Variants in ADCY8 observed in about 807,000 individuals in gnomAD.
The protein encoded by ADCY8 is adenylate cyclase 8.
ADCY8 carries 51 observed loss-of-function variants against 119.7 expected under a neutral mutation model. The observed-to-expected ratio is 0.43, with a 90% CI of 0.34 to 0.54. ADCY8 has a LOEUF of 0.54. ADCY8 is among the 20% of genes least tolerant of loss of function. The probability of loss-of-function intolerance (pLI) is 0.03; values close to 1 mark genes in which losing one functional copy is unlikely to be tolerated. For synonymous variants in ADCY8, 665 were observed against 651.0 expected (o/e 1.02, Z -0.33); for missense variants, 1,383 against 1,598.8 (o/e 0.87, Z 2.30).
At position 130,866,815 on chromosome 8, in the gene ADCY8, A is replaced by C. The variant is rs1818140478; in HGVS notation, c.2210+1031T>G. 2.0e-5 allele frequency among the ~76,000 whole-genome samples: 3 copies of C among 152,126 alleles called. No homozygotes were observed. The South Asian group carries it at 6.2e-4, about 32-fold the overall frequency. ...CGAATGGGAATTGGAATGCTGCCTC[A>C]CTCATCAGTTATTTTTGAGGCTTTT... On this transcript the variant is annotated intron_variant, in intron 9 of 17. Coordinates refer to ENST00000286355, the MANE Select transcript of ADCY8 (RefSeq NM_001115.3).
Position 130,886,261 on chromosome 8 carries a change from A to G in ADCY8, c.1912-1500T>C, listed in dbSNP as rs1270560802. Among the ~76,000 whole-genome samples the G allele has an allele frequency of 2.6e-5, 4 of 152,280 alleles. No individual in the cohort carries two copies. The East Asian group carries it at 7.7e-4, about 29-fold the overall frequency. ...GCTGCCTGTGCCAACATGAGAAAGC[A>G]AAGTACATGCTCTTAGGGCACTGAA... is the stretch of plus-strand genomic sequence containing the variant. On this transcript the variant is annotated intron_variant, in intron 7 of 17. Coordinates refer to ENST00000286355, the MANE Select transcript of ADCY8 (RefSeq NM_001115.3).
chr8:130,996,543 T>C (rs974517810), intron 1 of ADCY8, among the ~76,000 whole-genome samples: 2 of 152,026 alleles, frequency 1.3e-5, no homozygotes, highest in Non-Finnish European at 1.5e-5. Context: ...ATAAAAATTG[T>C]AAAAAGTTTG....
chr8:130,871,449 T>C (rs1205757727), intron 8 of ADCY8, among the ~76,000 whole-genome samples: 2 of 152,174 alleles, frequency 1.3e-5, no homozygotes, highest in African/African-American at 2.4e-5. Flanking sequence ...AGAAAATGGA[T>C]ACAATAATAG....
chr8:130,908,361 TAAAGAATGG>T (rs1304292563), intron 6 of ADCY8, among the ~76,000 whole-genome samples: 1 of 152,172 alleles, frequency 6.6e-6, no homozygotes, highest in Non-Finnish European at 1.5e-5. Context: ...GGGAAAATCC[TAAAGAATGG>T]AAAGATTTAA....
At chr8:130,868,319 G>A (rs1818201572) in intron 8 of ADCY8, among the ~76,000 whole-genome samples, 1 of 152,022 alleles carries the variant, frequency 6.6e-6, no homozygotes, top group South Asian at 2.1e-4. Flanking sequence ...GTTAAGTTTG[G>A]GAACACAGGG....
At chr8:130,830,358 T>C (rs1816794535) in intron 12 of ADCY8, among the ~76,000 whole-genome samples, 1 of 152,118 alleles carries the variant, frequency 6.6e-6, no homozygotes, top group African/African-American at 2.4e-5. Flanking sequence ...ATTTTCATAA[T>C]AATATTAGGG....
intron 5 of ADCY8, among the ~76,000 whole-genome samples, chr8:130,916,127 A>G (rs1380622043): frequency 6.6e-6 from 1 of 152,192 alleles, no homozygotes; most frequent in East Asian, 1.9e-4. Context: ...ACAGTTATTG[A>G]TGGACTAGTT....
chr8:130,798,909 C>T (rs1402662053), intron 15 of ADCY8, among the ~76,000 whole-genome samples: 3 of 151,958 alleles, frequency 2.0e-5, no homozygotes, highest in East Asian at 1.9e-4. Flanking sequence ...CATGCACACA[C>T]CACACACATA....
rs552632206 is a variant in ADCY8 at position 130,786,716 on chromosome 8, C to A, written c.3061-1241G>T. ...GGAGGTCAGATGTTAAAAATAAATACACAGAACATGCCCTAGTTCAATTTT... is the reference window on the plus strand; with the variant it reads ...GGAGGTCAGATGTTAAAAATAAATAAACAGAACATGCCCTAGTTCAATTTT... On this transcript the variant is annotated intron_variant, in intron 15 of 17. Transcript: ENST00000286355. Among the ~76,000 whole-genome samples the A allele has an allele frequency of 3.9e-5, 6 of 152,236 alleles. No individual in the cohort carries two copies. The East Asian group carries it at 1.2e-3, about 29-fold the overall frequency.
At chr8:130,945,008 A>C (rs1176847245) in intron 3 of ADCY8, among the ~76,000 whole-genome samples, 1 of 152,200 alleles carries the variant, frequency 6.6e-6, no homozygotes, top group Non-Finnish European at 1.5e-5. Flanking sequence ...CCAGTAGAGA[A>C]AAGTCTCAGC....
intron 1 of ADCY8, among the ~76,000 whole-genome samples, chr8:130,997,002 T>G (rs1822798914): frequency 6.6e-6 from 1 of 152,176 alleles, no homozygotes. Flanking sequence ...CATTGTAGCT[T>G]TATTCATGAA....
intron 12 of ADCY8, among the ~76,000 whole-genome samples, chr8:130,828,780 C>T (rs185913347): frequency 5.6e-4 from 86 of 152,282 alleles, no homozygotes; most frequent in Middle Eastern, 3.4e-3. Context: ...TTTTAAGGCA[C>T]CTATTCTGCC....
intron 2 of ADCY8, among the ~76,000 whole-genome samples, chr8:130,975,339 C>T (rs1360620561): frequency 6.6e-6 from 1 of 152,200 alleles, no homozygotes; most frequent in Non-Finnish European, 1.5e-5. Context: ...CTATTCAATT[C>T]AATTCCCTTC....
intron 2 of ADCY8, among the ~76,000 whole-genome samples, chr8:130,957,481 T>C (rs1048907602): frequency 2.6e-5 from 4 of 152,144 alleles, no homozygotes; most frequent in Non-Finnish European, 4.4e-5. Flanking sequence ...GACGATGTGA[T>C]AGAAAAGAAA....
chr8:131,013,525 C>A (rs1382732682), intron 1 of ADCY8, among the ~76,000 whole-genome samples: 1 of 144,794 alleles, frequency 6.9e-6, no homozygotes, highest in Non-Finnish European at 1.6e-5. Context: ...AAGACCCCCT[C>A]CCCCAGTGAT....
At chr8:130,789,934 G>A (rs377034522) in intron 15 of ADCY8, among the ~76,000 whole-genome samples, 1 of 152,318 alleles carries the variant, frequency 6.6e-6, no homozygotes, top group East Asian at 1.9e-4. Context: ...TCTAGTGCAT[G>A]CGTGAGTCAG....
At chr8:130,853,092 G>T (rs1005051779) in intron 9 of ADCY8, among the ~76,000 whole-genome samples, 2 of 152,160 alleles carry the variant, frequency 1.3e-5, no homozygotes, top group Non-Finnish European at 2.9e-5. Context: ...AGAAACTATC[G>T]GGGGTGCTCA....
chr8:130,951,427 T>G (rs1234978636), intron 3 of ADCY8, among the ~76,000 whole-genome samples: 25 of 152,230 alleles, frequency 1.6e-4, no homozygotes, highest in Non-Finnish European at 3.4e-4. Flanking sequence ...GATAGATGGA[T>G]GGTTGGCCAA....
chr8:130,963,554 A>T (rs1821671383), intron 2 of ADCY8, among the ~76,000 whole-genome samples: 1 of 152,230 alleles, frequency 6.6e-6, no homozygotes, highest in Non-Finnish European at 1.5e-5. Context: ...CTATAAATTT[A>T]GAGTTGAACA....
Sources: allele counts gnomAD v4.1 joint callset (sites outside exome capture counted in the v4.1 genomes callset), GRCh38; gene constraint gnomAD v4.1.1; transcripts MANE v1.5; gene names NCBI Gene and HGNC (gene_info 2026-07-23, HGNC 2026-07-21).